SMG7: variants seen among roughly 807,000 people sequenced by gnomAD.
The protein encoded by SMG7 is nonsense-mediated mRNA decay factor SMG7.
In SMG7, 34 loss-of-function variants were observed where a neutral mutation model predicts 148.2. The ratio of observed to expected loss-of-function variants is 0.23; its 90% CI spans 0.17 to 0.31. SMG7 has a LOEUF of 0.31. SMG7 is among the 10% of genes least tolerant of loss of function. SMG7 has a pLI of 1.00. For synonymous variants in SMG7, 492 were observed against 515.1 expected (o/e 0.96, Z 0.61); for missense variants, 1,114 against 1,408.4 (o/e 0.79, Z 3.35).
intron 4 of SMG7, among the ~76,000 whole-genome samples, chr1:183,520,610 G>A (rs1408126329): frequency 6.6e-6 from 1 of 152,130 alleles, no homozygotes; most frequent in Non-Finnish European, 1.5e-5. Context: ...TCTGTTGGGG[G>A]GAGGGGGAAG....
chr1:183,535,883 C>T (rs1414625796), intron 10 of SMG7, among the ~76,000 whole-genome samples: 1 of 151,846 alleles, frequency 6.6e-6, no homozygotes, highest in African/African-American at 2.4e-5. Flanking sequence ...CCTTTTTTTC[C>T]AACTATCTCT....
chr1:183,490,426 T>C (rs1656658296), intron 1 of SMG7, among the ~76,000 whole-genome samples: 1 of 152,198 alleles, frequency 6.6e-6, no homozygotes, highest in African/African-American at 2.4e-5. Context: ...TGTGGACATT[T>C]TCTATGCAGA....
chr1:183,516,891 T>C (rs1663680554), intron 3 of SMG7, among the ~76,000 whole-genome samples: 1 of 152,222 alleles, frequency 6.6e-6, no homozygotes, highest in African/African-American at 2.4e-5. Context: ...GATGTTGATA[T>C]AGAATTAGGT....
At chr1:183,543,325 G>C (rs1669277182) in intron 14 of SMG7, among the ~76,000 whole-genome samples, 1 of 152,114 alleles carries the variant, frequency 6.6e-6, no homozygotes, top group Non-Finnish European at 1.5e-5. Context: ...GTTGAAGGCT[G>C]CTTACAAATA....
rs778241737 is a variant in SMG7 at position 183,546,282 on chromosome 1, G to A, written c.2687G>A (p.Arg896Gln). ...GCAAACATAGACCGCAGGGGCAAAC[G>A]GTCACCAGGAGTCTTCCGTCCAGAG... Reference protein sequence around the residue: ...QQANIDRRGKRSPGVFRPEQD... With the variant: ...QQANIDRRGKQSPGVFRPEQD... Residue 896 changes from arginine to glutamine, a missense_variant, in exon 17 of 23, where the codon CGG becomes CAG. Physicochemically the swap from Arg to Gln is conservative, Grantham distance 43. This residue lies in a region of SMG7 where 788 missense variants were observed against 894.5 expected (regional missense o/e 0.88). Coordinates refer to ENST00000688051, the MANE Select transcript of SMG7 (RefSeq NM_001375584.1). The A allele has an allele frequency of 2.5e-6, 4 of 1,613,834 alleles. No homozygotes were observed. Among genetic ancestry groups the A allele is most frequent in the South Asian group, 1.1e-5 (1 of 91,066 alleles).
chr1:183,521,168 C>T lies in SMG7; in HGVS notation c.312+3348C>T, dbSNP rs150709011. On this transcript the variant is annotated intron_variant, in intron 4 of 22. Coordinates refer to ENST00000688051, the MANE Select transcript of SMG7 (RefSeq NM_001375584.1). ...AATCTCTGCCACTGGAGTGCAGTGG[C>T]GCTCACTGCAACCTCCGCCTCCTGG... Among the ~76,000 whole-genome samples, 677 of 150,800 alleles carry T rather than the reference C, an allele frequency of 4.5e-3. 2 individuals carry two copies. The highest frequency in any genetic ancestry group is 0.016 in the African/African-American group (654 of 41,002).
At chr1:183,532,985 G>T (rs766709590) in intron 8 of SMG7, among the ~76,000 whole-genome samples, 179 bp from the exon 9 acceptor site, 40 of 152,166 alleles carry the variant, frequency 2.6e-4, no homozygotes, top group Non-Finnish European at 4.6e-4. Flanking sequence ...AAGACAAAAA[G>T]TCAGTTTGGG....
intron 1 of SMG7, among the ~76,000 whole-genome samples, chr1:183,507,718 G>A (rs1429353176): frequency 1.3e-5 from 2 of 152,096 alleles, no homozygotes; most frequent in Non-Finnish European, 2.9e-5. Context: ...CTCTTCTGTA[G>A]TACCTGTAGT....
At chr1:183,544,542 A>G in intron 15 of SMG7, 45 bp downstream of exon 15, 1 of 1,589,320 alleles carries the variant, frequency 6.3e-7, no homozygotes, top group Non-Finnish European at 8.6e-7. Flanking sequence ...TTTCTGTGCA[A>G]GAATTTCTAT....
At chr1:183,498,361 T>A (rs1172651520) in intron 1 of SMG7, among the ~76,000 whole-genome samples, 1 of 152,148 alleles carries the variant, frequency 6.6e-6, no homozygotes, top group Non-Finnish European at 1.5e-5. Flanking sequence ...AAACTCTGTC[T>A]CTACTGCAGA....
intron 3 of SMG7, among the ~76,000 whole-genome samples, chr1:183,516,321 T>TAA (rs201857829): frequency 2.0e-5 from 3 of 149,814 alleles, no homozygotes; most frequent in African/African-American, 4.9e-5. Context: ...AGCCGCGATT[T>TAA]AAAAAAAAAA....
At chr1:183,480,500 A>G (rs1653801613) in intron 1 of SMG7, among the ~76,000 whole-genome samples, 1 of 151,854 alleles carries the variant, frequency 6.6e-6, no homozygotes, top group African/African-American at 2.4e-5. Context: ...CTTTCCCTCA[A>G]ACTCACACTT....
At chr1:183,510,742 A>G (rs1288872732) in intron 1 of SMG7, among the ~76,000 whole-genome samples, 2 of 152,120 alleles carry the variant, frequency 1.3e-5, no homozygotes, top group African/African-American at 2.4e-5. Flanking sequence ...GGCAAAAACC[A>G]TGATTACTTT....
chr1:183,489,797 A>G (rs1164124111), intron 1 of SMG7, among the ~76,000 whole-genome samples: 1 of 152,208 alleles, frequency 6.6e-6, no homozygotes, highest in East Asian at 1.9e-4. Flanking sequence ...TACTCTACCT[A>G]TTTAGGTGGA....
chr1:183,496,147 A>G (rs1471892050), intron 1 of SMG7, among the ~76,000 whole-genome samples: 1 of 152,184 alleles, frequency 6.6e-6, no homozygotes, highest in Non-Finnish European at 1.5e-5. Flanking sequence ...TGTCATGAAA[A>G]CTAAACCCAG....
At position 183,553,612 on chromosome 1, in the gene SMG7, C is replaced by CA. The variant is rs1418533998; in HGVS notation, c.*1681_*1682insA. On this transcript the variant is annotated 3_prime_UTR_variant, in exon 23 of 23. Transcript: ENST00000688051. ...TCTTCAGAGAGAGTGGTTGGAGCCCCCCCCGCCCCGTATGCTTACATTATT... is the reference window on the plus strand; with the variant it reads ...TCTTCAGAGAGAGTGGTTGGAGCCCCACCCCGCCCCGTATGCTTACATTATT... The CA allele has an allele frequency of 6.5e-6, 1 of 152,958 alleles. No homozygotes were observed. Among genetic ancestry groups the CA allele is most frequent in the Non-Finnish European group, 1.4e-5 (1 of 70,416 alleles). 9.5% of individuals were successfully genotyped at this position (152,958 alleles called of 1,614,324 possible). A position where few individuals can be genotyped will look rare whatever the true frequency, so the allele number is the denominator to read the frequency against.
chr1:183,493,001 G>A (rs1209284425), intron 1 of SMG7, among the ~76,000 whole-genome samples: 3 of 151,940 alleles, frequency 2.0e-5, no homozygotes, highest in Non-Finnish European at 2.9e-5. Flanking sequence ...ACACGATCTC[G>A]CTCTGTTGCC....
At chr1:183,496,839 A>G (rs950602991) in intron 1 of SMG7, among the ~76,000 whole-genome samples, 11 of 152,056 alleles carry the variant, frequency 7.2e-5, no homozygotes, top group African/African-American at 2.7e-4. Flanking sequence ...TAAAAATTGC[A>G]AAAAAAATCT....
intron 4 of SMG7, among the ~76,000 whole-genome samples, chr1:183,525,880 A>G (rs182201510): frequency 1.5e-4 from 23 of 152,264 alleles, no homozygotes; most frequent in Admixed American, 9.8e-4. Context: ...AGAAATACCT[A>G]AAGTCTGACA....
Sources: gnomAD v4.1 joint callset for allele counts (sites outside exome capture counted in the v4.1 genomes callset) on GRCh38, gnomAD v4.1.1 for gene constraint, gnomAD v4.1.1 regional missense constraint, MANE v1.5 for transcripts, NCBI Gene and HGNC (gene_info 2026-07-23, HGNC 2026-07-21) for gene names.